Variants in MDGA1 observed in about 807,000 individuals in gnomAD.
MDGA1 encodes the protein MAM domain-containing glycosylphosphatidylinositol anchor protein 1.
MDGA1 carries 54 observed loss-of-function variants against 101.5 expected under a neutral mutation model. The ratio of observed to expected loss-of-function variants is 0.53; its 90% CI spans 0.43 to 0.67. The LOEUF is 0.67. Ranked by LOEUF, MDGA1 falls within the 30% of genes least tolerant of loss-of-function variation. MDGA1 has a pLI of 0.00. For synonymous variants in MDGA1, 533 were observed against 558.3 expected (o/e 0.95, Z 0.64); for missense variants, 1,083 against 1,323.8 (o/e 0.82, Z 2.82).
chr6:37,692,240 G>T (rs1054699659), intron 1 of MDGA1, among the ~76,000 whole-genome samples: 1 of 152,046 alleles, frequency 6.6e-6, no homozygotes, highest in Non-Finnish European at 1.5e-5. Context: ...GGCAGGGCCC[G>T]TAGGCAGTTA....
rs932221669 is a variant in MDGA1 at position 37,687,595 on chromosome 6, T to C, written c.67+9150A>G. 3.9e-5 allele frequency among the ~76,000 whole-genome samples: 6 copies of C among 152,060 alleles called. No homozygotes were observed. The South Asian group carries it at 1.2e-3, about 32-fold the overall frequency. On this transcript the variant is annotated intron_variant, in intron 1 of 16. Coordinates refer to ENST00000434837, the MANE Select transcript of MDGA1 (RefSeq NM_153487.4). ...TGAAATCAATTTTGCTGGTTTTACATTGAATTGCTACTTTGTTCTCCAGCT... is the reference window on the plus strand; with the variant it reads ...TGAAATCAATTTTGCTGGTTTTACACTGAATTGCTACTTTGTTCTCCAGCT...
At chr6:37,678,184 A>T (rs533703657) in intron 1 of MDGA1, among the ~76,000 whole-genome samples, 2 of 151,952 alleles carry the variant, frequency 1.3e-5, no homozygotes, top group Non-Finnish European at 2.9e-5. Flanking sequence ...CACCCCCTAC[A>T]CTTGTATTAG....
At chr6:37,678,408 T>C (rs893918248) in intron 1 of MDGA1, among the ~76,000 whole-genome samples, 1 of 152,114 alleles carries the variant, frequency 6.6e-6, no homozygotes. Flanking sequence ...AGCCTCCTGA[T>C]AGGTCTTCCC....
rs528612629 is a variant in MDGA1, at chr6:37,650,203, G to T, written c.1515C>A (p.Ser505Arg). 5.5e-5 allele frequency: 88 copies of T among 1,612,674 alleles called. No homozygotes were observed. The highest frequency in any genetic ancestry group is 2.0e-4 in the Admixed American group (12 of 60,002). The change falls in exon 8 of 17, where the codon AGC (serine) becomes AGA (arginine). Residue 505 changes from serine (S) to arginine (R), a missense_variant. Physicochemically the swap from Ser to Arg is moderately radical, Grantham distance 110 (BLOSUM62 -1). Around this residue, in one of 3 missense-constraint regions of MDGA1, gnomAD observed 657 missense variants for 771.4 expected, o/e 0.85. Transcript: ENST00000434837. ...PDGKLRLERV[S>R]RDMSGTYRCQ... ...AGCGGTAGGTCCCGCTCATGTCTCG[G>T]CTCACTCGCTCCAGCCGCAGCTTCC...
Position 37,654,724 on chromosome 6 carries a change from TGTGGG to T in MDGA1, c.712+71_712+75del, listed in dbSNP as rs1321418073. 9 of 1,590,426 alleles carry T rather than the reference TGTGGG, an allele frequency of 5.7e-6. No individual in the cohort carries two copies. The East Asian group carries it at 2.0e-4, about 36-fold the overall frequency. ...TTAGTGGCAGTGTGCCTGGAGTCCC[TGTGGG>T]GTGGGGCACTATCTCCTGGTTGGGA... is the stretch of plus-strand genomic sequence containing the variant. On this transcript the variant is annotated intron_variant, in intron 5 of 16. Transcript: ENST00000434837.
chr6:37,668,317 A>C (rs1195353411), intron 1 of MDGA1, among the ~76,000 whole-genome samples: 1 of 152,100 alleles, frequency 6.6e-6, no homozygotes, highest in African/African-American at 2.4e-5. Context: ...CAACTCTAAA[A>C]TGCTAGAATC....
At position 37,654,365 on chromosome 6, in the gene MDGA1, T is replaced by C. The variant is rs745343351; in HGVS notation, c.891A>G (p.Ser297=). Reference sequence around the variant, plus strand: ...AGTAGCCAGAGTCCCGGGCCTGCACTGAAGGGATGCTGAGGGTGCCACCCT... The same window carrying C: ...AGTAGCCAGAGTCCCGGGCCTGCACCGAAGGGATGCTGAGGGTGCCACCCT... ...LAQGGTLSIP[S]VQARDSGYYN... Residue 297 remains serine (S), a synonymous_variant, in exon 6 of 17, where the codon TCA becomes TCG. Transcript: ENST00000434837. 4.3e-6 allele frequency: 7 copies of C among 1,613,072 alleles called. No individual in the cohort carries two copies. The South Asian group carries it at 7.7e-5, about 18-fold the overall frequency.
intron 9 of MDGA1, among the ~76,000 whole-genome samples, chr6:37,647,828 G>A (rs1164606595): frequency 6.6e-6 from 1 of 152,100 alleles, no homozygotes; most frequent in African/African-American, 2.4e-5. Context: ...AGGGCTGGGT[G>A]GAGGGGAGTG....
chr6:37,643,905 G>C lies in MDGA1; in HGVS notation c.2440C>G (p.Leu814Val). The C allele has an allele frequency of 1.2e-6, 2 of 1,613,932 alleles. No homozygotes were observed. The highest frequency in any genetic ancestry group is 1.7e-6 in the Non-Finnish European group (2 of 1,179,874). Reference protein sequence around the residue: ...MFIETSRPRELGDRARLVSPL... With the variant: ...MFIETSRPREVGDRARLVSPL... ...CTCACTAACCTTGCACGGTCCCCCA[G>C]CTCCCGAGGCCTCGATGTCTCGATG... The change falls in exon 14 of 17, where the codon CTG (leucine) becomes GTG (valine). Residue 814 changes from leucine (L) to valine (V), a missense_variant. By Grantham distance (32) the Leu-to-Val change is conservative. Coordinates refer to ENST00000434837, the MANE Select transcript of MDGA1 (RefSeq NM_153487.4).
intron 1 of MDGA1, among the ~76,000 whole-genome samples, chr6:37,676,850 T>C (rs1445797629): frequency 6.6e-6 from 1 of 150,614 alleles, no homozygotes; most frequent in Non-Finnish European, 1.5e-5. Flanking sequence ...TGAGCTGAGA[T>C]TGTGCCATTG....
At chr6:37,689,958 C>A (rs1762274895) in intron 1 of MDGA1, among the ~76,000 whole-genome samples, 1 of 152,192 alleles carries the variant, frequency 6.6e-6, no homozygotes, top group African/African-American at 2.4e-5. Flanking sequence ...TGTCCCTTCT[C>A]TGCTCAAAAC....
chr6:37,687,400 T>TTAA (rs1554137550), intron 1 of MDGA1, among the ~76,000 whole-genome samples: 7 of 128,940 alleles, frequency 5.4e-5, no homozygotes, highest in African/African-American at 1.4e-4. Flanking sequence ...TACTAAAAAT[T>TTAA]AAAAAAAAAA....
Position 37,638,652 on chromosome 6 carries a change from A to G in MDGA1, c.2552T>C (p.Leu851Pro). The G allele has an allele frequency of 6.2e-7, 1 of 1,613,464 alleles. No individual in the cohort carries two copies. Among genetic ancestry groups the G allele is most frequent in the Non-Finnish European group, 8.5e-7 (1 of 1,179,686 alleles). ...YGKHIGSLNL[L>P]VRSRNKGALD... ...AGCCCCTTTGTTCCGGGACCGCACCAGGAGGTTGAGGGAGCCTGCGGTGGG... is the reference window on the plus strand; with the variant it reads ...AGCCCCTTTGTTCCGGGACCGCACCGGGAGGTTGAGGGAGCCTGCGGTGGG... The change falls in exon 15 of 17, where the codon CTG becomes CCG. Residue 851 changes from leucine to proline, a missense_variant. Leu to Pro is a moderately conservative substitution (Grantham distance 98). Around this residue, in one of 3 missense-constraint regions of MDGA1, gnomAD observed 657 missense variants for 771.4 expected, o/e 0.85. Transcript: ENST00000434837. This position sits in a 1 kb window ranked among gnomAD's most constrained non-coding sequence, Gnocchi z 4.8.
At chr6:37,680,004 C>T (rs1328287879) in intron 1 of MDGA1, among the ~76,000 whole-genome samples, 2 of 152,172 alleles carry the variant, frequency 1.3e-5, no homozygotes, top group African/African-American at 4.8e-5. Flanking sequence ...TATTTAGTTA[C>T]TTGATTCTGA....
chr6:37,653,853 G>T (rs776702071), intron 6 of MDGA1, among the ~76,000 whole-genome samples: 2 of 152,080 alleles, frequency 1.3e-5, no homozygotes, highest in Non-Finnish European at 2.9e-5. Flanking sequence ...ATGGAAATGT[G>T]TGTTATTTTC....
intron 1 of MDGA1, among the ~76,000 whole-genome samples, chr6:37,677,938 C>T (rs1284667791): frequency 6.6e-6 from 1 of 152,202 alleles, no homozygotes; most frequent in Admixed American, 6.5e-5. Context: ...AGGGGTGCTG[C>T]ACCCCAACTT....
At chr6:37,685,281 G>A (rs960750049) in intron 1 of MDGA1, among the ~76,000 whole-genome samples, 1 of 151,598 alleles carries the variant, frequency 6.6e-6, no homozygotes, top group African/African-American at 2.4e-5. Flanking sequence ...GAAAGAGTGA[G>A]ACATTGTCTC....
In MDGA1 at chr6:37,655,076, C is replaced by T; in HGVS notation, c.580-144G>A. The T allele has an allele frequency of 9.9e-7, 1 of 1,009,296 alleles. No homozygotes were observed. Among genetic ancestry groups the T allele is most frequent in the Non-Finnish European group, 1.4e-6 (1 of 701,438 alleles). The allele number at this position is 1,009,296 out of a possible 1,614,324, so 62.5% of individuals were successfully genotyped here. ...CCCCAACCCCACCCTCACCATTTAG[C>T]CCCAGGGGTCCTGAGCCTGGGGTGG... On this transcript the variant is annotated intron_variant, in intron 4 of 16. Coordinates refer to ENST00000434837, the MANE Select transcript of MDGA1 (RefSeq NM_153487.4). This position sits in a 1 kb window ranked among gnomAD's most constrained non-coding sequence, Gnocchi z 5.1.
intron 2 of MDGA1, among the ~76,000 whole-genome samples, chr6:37,662,476 A>C (rs1321109023): frequency 1.3e-5 from 2 of 151,932 alleles, no homozygotes; most frequent in African/African-American, 4.8e-5. Context: ...ATCTACAAAA[A>C]CAATTAAAAA....
Sources: allele counts gnomAD v4.1 joint callset (sites outside exome capture counted in the v4.1 genomes callset), GRCh38; gene constraint gnomAD v4.1.1; regional missense constraint gnomAD v4.1.1; non-coding constraint Gnocchi (gnomAD v3.1); transcripts MANE v1.5; gene names NCBI Gene and HGNC (gene_info 2026-07-23, HGNC 2026-07-21).